The following BICRA variants were observed in gnomAD, a reference collection of about 807,000 sequenced individuals.
BICRA encodes the protein BRD4-interacting chromatin-remodeling complex-associated protein.
In BICRA, 31 loss-of-function variants were observed where a neutral mutation model predicts 96.9. The ratio of observed to expected loss-of-function variants is 0.32; its 90% CI spans 0.24 to 0.43. The LOEUF (loss-of-function observed/expected upper bound fraction) is 0.43, where lower values mean the gene tolerates loss of function less well. Ranked by LOEUF, BICRA falls within the 20% of genes least tolerant of loss-of-function variation. The probability of loss-of-function intolerance (pLI) is 1.00; values close to 1 mark genes in which losing one functional copy is unlikely to be tolerated. For synonymous variants in BICRA, 1,350 were observed against 1,071.8 expected (o/e 1.26, Z -5.07); for missense variants, 2,283 against 2,190.3 (o/e 1.04, Z -0.84).
Position 47,694,948 on chromosome 19 carries a change from G to A in BICRA, c.2944G>A (p.Ala982Thr), listed in dbSNP as rs372386976. The change falls in exon 9 of 15, where the codon GCC (alanine) becomes ACC (threonine). Residue 982 changes from alanine to threonine, a missense_variant. Coordinates refer to ENST00000594866, the MANE Select transcript of BICRA (RefSeq NM_001394372.1). ...GAACAAGGCTGGGGGGGCCCCTGCC[G>A]CCCCGCAGACCTCCACCAGCCTGGG... ...LQNKAGGAPA[A>T]PQTSTSLGPL... 44 of 1,538,350 alleles carry A rather than the reference G, an allele frequency of 2.9e-5. No individual in the cohort carries two copies. The highest frequency in any genetic ancestry group is 1.2e-4 in the South Asian group (10 of 82,226).
intron 1 of BICRA, among the ~76,000 whole-genome samples, chr19:47,661,358 A>G (rs983042302): frequency 2.0e-5 from 3 of 152,104 alleles, no homozygotes; most frequent in African/African-American, 7.2e-5. Context: ...CCCAAACACC[A>G]GGGCTCATAG....
At chr19:47,615,272 G>T (rs377520985) in intron 1 of BICRA, among the ~76,000 whole-genome samples, 1 of 152,188 alleles carries the variant, frequency 6.6e-6, no homozygotes, top group Non-Finnish European at 1.5e-5. Context: ...GTGAGCCACC[G>T]TGCCCGGCCC....
At chr19:47,663,073 G>A (rs1004516226) in intron 1 of BICRA, 3 of 152,182 alleles carry the variant, frequency 2.0e-5, no homozygotes, top group African/African-American at 7.2e-5. Flanking sequence ...GTTTGGAGGC[G>A]GGCAGCCCAT....
chr19:47,681,006 CG>C lies in BICRA; in HGVS notation c.1840del (p.Glu614ArgfsTer110). 2.1e-6 allele frequency: 3 copies of C among 1,456,778 alleles called. No homozygotes were observed. The highest frequency in any genetic ancestry group is 2.7e-5 in the South Asian group (2 of 75,116). 90.2% of individuals were successfully genotyped at this position (1,456,778 alleles called of 1,614,324 possible). On this transcript the variant is annotated frameshift_variant, in exon 6 of 15. Transcript: ENST00000594866. LOFTEE classifies it high-confidence loss of function. ...VQPATPAAATGEAAPVLTVQP... is the reference protein window; with the variant it reads ...VQPATPAAATXEAAPVLTVQP... ...AGCCGGCCACCCCTGCCGCTGCCACCGGGGAGGCCGCGCCTGTCCTCACGGT... is the reference window on the plus strand; with the variant it reads ...AGCCGGCCACCCCTGCCGCTGCCACCGGGAGGCCGCGCCTGTCCTCACGGT...
At chr19:47,611,542 G>A (rs1250109662) in intron 1 of BICRA, among the ~76,000 whole-genome samples, 1 of 152,200 alleles carries the variant, frequency 6.6e-6, no homozygotes, top group Non-Finnish European at 1.5e-5. Flanking sequence ...CTGAAGTAGA[G>A]AAGAGAGAAG....
chr19:47,634,512 T>C (rs1432811206), intron 1 of BICRA, among the ~76,000 whole-genome samples: 4 of 152,166 alleles, frequency 2.6e-5, no homozygotes, highest in African/African-American at 7.2e-5. Flanking sequence ...GTCTGCAGCC[T>C]GTACCACTTT....
Position 47,620,962 on chromosome 19 carries a change from G to A in BICRA, c.-108+11794G>A, listed in dbSNP as rs186780884. Among the ~76,000 whole-genome samples, 574 of 152,176 alleles carry A rather than the reference G, an allele frequency of 3.8e-3. 1 individual carries two copies. Among genetic ancestry groups the A allele is most frequent in the Non-Finnish European group, 4.0e-3 (270 of 68,022 alleles). ...GGAGCCCCACTCGATCTCTGTCTACGGCCATTGCTTGTCCTGACCCTGGCT... is the reference window on the plus strand; with the variant it reads ...GGAGCCCCACTCGATCTCTGTCTACAGCCATTGCTTGTCCTGACCCTGGCT... On this transcript the variant is annotated intron_variant, in intron 1 of 14. Coordinates refer to ENST00000594866, the MANE Select transcript of BICRA (RefSeq NM_001394372.1).
In BICRA at chr19:47,682,031, C is replaced by T. The variant is rs779842470; in HGVS notation, c.2162C>T (p.Ser721Leu). 35 of 1,568,080 alleles carry T rather than the reference C, an allele frequency of 2.2e-5. No individual in the cohort carries two copies. The highest frequency in any genetic ancestry group is 2.3e-5 in the East Asian group (1 of 42,586). Residue 721 changes from serine to leucine, a missense_variant, in exon 7 of 15, where the codon TCG (serine) becomes TTG (leucine). Ser to Leu is a moderately radical substitution (Grantham distance 145). Coordinates refer to ENST00000594866, the MANE Select transcript of BICRA (RefSeq NM_001394372.1). ...AEGPHLSVPASVIVSAPPPAQ... is the reference protein window; with the variant it reads ...AEGPHLSVPALVIVSAPPPAQ... ...GGCCCCCACCTCTCCGTGCCTGCCT[C>T]GGTCATAGTCAGCGCCCCGCCTCCC... is the stretch of plus-strand genomic sequence containing the variant.
intron 5 of BICRA, among the ~76,000 whole-genome samples, chr19:47,676,390 A>G (rs1366561825): frequency 6.6e-6 from 1 of 152,028 alleles, no homozygotes; most frequent in Admixed American, 6.6e-5. Context: ...GGTGCTGAGA[A>G]AAGCCCAGAG....
At chr19:47,665,756 C>T (rs1026577511) in intron 1 of BICRA, among the ~76,000 whole-genome samples, 4 of 152,188 alleles carry the variant, frequency 2.6e-5, no homozygotes, top group South Asian at 2.1e-4. Flanking sequence ...GGTGCCGCAG[C>T]GCCCCCAAAA....
In BICRA at chr19:47,694,436, C is replaced by A; in HGVS notation, c.2605C>A (p.Pro869Thr). 9.0e-7 allele frequency: 1 copy of A among 1,113,914 alleles called. No homozygotes were observed. The highest frequency in any genetic ancestry group is 1.3e-6 in the Non-Finnish European group (1 of 743,956). 69.0% of individuals were successfully genotyped at this position (1,113,914 alleles called of 1,614,324 possible). ...GCCTCTCCGCCCCCAGTCCCAGCCGCCTGAGGGACCGCTGCCCCCAGCCCC... is the reference window on the plus strand; with the variant it reads ...GCCTCTCCGCCCCCAGTCCCAGCCGACTGAGGGACCGCTGCCCCCAGCCCC... Reference protein sequence around the residue: ...QPPLRPQSQPPEGPLPPAPHL... With the variant: ...QPPLRPQSQPTEGPLPPAPHL... The change falls in exon 8 of 15, where the codon CCT becomes ACT. Residue 869 changes from proline to threonine, a missense_variant. Pro to Thr is a conservative substitution (Grantham distance 38). Coordinates refer to ENST00000594866, the MANE Select transcript of BICRA (RefSeq NM_001394372.1).
At chr19:47,640,731 C>T (rs956796088) in intron 1 of BICRA, among the ~76,000 whole-genome samples, 1 of 151,736 alleles carries the variant, frequency 6.6e-6, no homozygotes, top group Admixed American at 6.6e-5. Context: ...CTGAAGGAGG[C>T]GAGGGAGCAA....
chr19:47,623,384 A>G (rs1056577473), intron 1 of BICRA, among the ~76,000 whole-genome samples: 2 of 152,056 alleles, frequency 1.3e-5, no homozygotes, highest in Non-Finnish European at 2.9e-5. Context: ...AGTTCACTTC[A>G]AATCCTCATG....
intron 11 of BICRA, among the ~76,000 whole-genome samples, chr19:47,696,863 TG>T (rs1215091267): frequency 6.9e-6 from 1 of 145,688 alleles, no homozygotes; most frequent in Non-Finnish European, 1.5e-5. Flanking sequence ...GGGAAGTGAG[TG>T]GGTGGACATG....
chr19:47,681,991 C>A lies in BICRA; in HGVS notation c.2122C>A (p.Pro708Thr), dbSNP rs570590946. 2.6e-6 allele frequency: 4 copies of A among 1,567,458 alleles called. No individual in the cohort carries two copies. The East Asian group carries it at 9.4e-5, about 37-fold the overall frequency. The part of the protein sequence containing the change: ...MFLPQERSQQ[P>T]LSAEGPHLSV... ...CCCGTTGCAGGAGAGGAGCCAGCAGCCCCTCTCCGCAGAGGGCCCCCACCT... is the reference window on the plus strand; with the variant it reads ...CCCGTTGCAGGAGAGGAGCCAGCAGACCCTCTCCGCAGAGGGCCCCCACCT... The change falls in exon 7 of 15, where the codon CCC (proline) becomes ACC (threonine). Residue 708 changes from proline to threonine, a missense_variant. Transcript: ENST00000594866.
intron 1 of BICRA, among the ~76,000 whole-genome samples, chr19:47,640,769 G>C (rs146344216): frequency 1.8e-3 from 268 of 152,234 alleles, no homozygotes; most frequent in African/African-American, 6.1e-3. Flanking sequence ...CCCTGTCAGG[G>C]TTCCTAGCTG....
At chr19:47,614,858 C>T (rs117995038) in intron 1 of BICRA, among the ~76,000 whole-genome samples, 491 of 152,236 alleles carry the variant, frequency 3.2e-3, no homozygotes, top group Middle Eastern at 6.8e-3. Context: ...GGCATACGTC[C>T]GCACATGTTA....
At position 47,679,744 on chromosome 19, in the gene BICRA, C is replaced by A. The variant is rs1454557783; in HGVS notation, c.574C>A (p.Leu192Met). ...VPPQDVVNKA[L>M]SVQPFLQPVG... ...GCCCCAGGACGTGGTCAACAAGGCC[C>A]TGAGTGTGCAGCCCTTCCTGCAGCC... The change falls in exon 6 of 15, where the codon CTG becomes ATG. Residue 192 changes from leucine to methionine, a missense_variant. Coordinates refer to ENST00000594866, the MANE Select transcript of BICRA (RefSeq NM_001394372.1). 1 of 1,535,304 alleles carries A rather than the reference C, an allele frequency of 6.5e-7. No individual in the cohort carries two copies. Among genetic ancestry groups the A allele is most frequent in the Admixed American group, 2.0e-5 (1 of 49,428 alleles).
chr19:47,680,043 G>T lies in BICRA; in HGVS notation c.873G>T (p.Lys291Asn). The change falls in exon 6 of 15, where the codon AAG becomes AAT. Residue 291 changes from lysine to asparagine, a missense_variant. Transcript: ENST00000594866. ...AGGGGGCTGGCCTGGTCATCCAGAA[G>T]AACCTCTCGGCCGCTGTGGCCACCA... ...SPQGAGLVIQ[K>N]NLSAAVATTL... The T allele has an allele frequency of 6.4e-7, 1 of 1,553,346 alleles. No individual in the cohort carries two copies.
Sources: allele counts gnomAD v4.1 joint callset (sites outside exome capture counted in the v4.1 genomes callset), GRCh38; gene constraint gnomAD v4.1.1; transcripts MANE v1.5; gene names NCBI Gene and HGNC (gene_info 2026-07-23, HGNC 2026-07-21).